ZSCAN2: variants seen among roughly 807,000 people sequenced by gnomAD.
ZSCAN2 encodes the protein zinc finger and SCAN domain-containing protein 2.
ZSCAN2 carries 26 observed loss-of-function variants against 47.8 expected under a neutral mutation model. The ratio of observed to expected loss-of-function variants is 0.54; its 90% CI spans 0.40 to 0.75. ZSCAN2 has a LOEUF of 0.75. Among genes scored for constraint, ZSCAN2 ranks in the 30% least tolerant of loss-of-function variants. The probability of loss-of-function intolerance (pLI) is 0.00; values close to 1 mark genes in which losing one functional copy is unlikely to be tolerated. For synonymous variants in ZSCAN2, 305 were observed against 288.7 expected (o/e 1.06, Z -0.57); for missense variants, 732 against 785.4 (o/e 0.93, Z 0.81).
At chr15:84,613,154 C>A (rs565313720) in intron 2 of ZSCAN2, among the ~76,000 whole-genome samples, 1 of 152,304 alleles carries the variant, frequency 6.6e-6, no homozygotes, top group South Asian at 2.1e-4. Flanking sequence ...GCTAAATTTT[C>A]ATAGTCATTA....
At chr15:84,619,767 C>T (rs1895773859) in intron 2 of ZSCAN2, among the ~76,000 whole-genome samples, 1 of 152,054 alleles carries the variant, frequency 6.6e-6, no homozygotes, top group Admixed American at 6.6e-5. Context: ...GGTAGGTACC[C>T]TGTTTATGTC....
rs910884450 is a variant in ZSCAN2 at position 84,604,116 on chromosome 15, C to T, written c.189C>T (p.Gly63=). The T allele has an allele frequency of 5.6e-6, 9 of 1,613,798 alleles. No homozygotes were observed. Among genetic ancestry groups the T allele is most frequent in the East Asian group, 2.2e-5 (1 of 44,890 alleles). The part of the protein sequence containing the change: ...SEPFPQSAGK[G]GPQEEVTRGP... Reference sequence around the variant, plus strand: ...CCTTTCCCCAGAGTGCTGGCAAGGGCGGCCCCCAGGAGGAGGTGACCAGGG... The same window carrying T: ...CCTTTCCCCAGAGTGCTGGCAAGGGTGGCCCCCAGGAGGAGGTGACCAGGG... The change falls in exon 2 of 3, where the codon GGC becomes GGT. Residue 63 remains glycine (G), a synonymous_variant. Transcript: ENST00000546148.
At position 84,622,855 on chromosome 15, in the gene ZSCAN2, T is replaced by C; in HGVS notation, c.*815T>C. The C allele has an allele frequency of 1.7e-6, 1 of 602,850 alleles. No homozygotes were observed. Among genetic ancestry groups the C allele is most frequent in the Non-Finnish European group, 3.0e-6 (1 of 331,816 alleles). The allele number at this position is 602,850 out of a possible 1,614,324, so 37.3% of individuals were successfully genotyped here. Reference sequence around the variant, plus strand: ...TCGTGGGGTTTTGTCCTGGAGAGTGTAGTGAAGTCCGAGAGCCCTAGCTGC... The same window carrying C: ...TCGTGGGGTTTTGTCCTGGAGAGTGCAGTGAAGTCCGAGAGCCCTAGCTGC... On this transcript the variant is annotated 3_prime_UTR_variant, in exon 3 of 3. Coordinates refer to ENST00000546148, the MANE Select transcript of ZSCAN2 (RefSeq NM_181877.4).
chr15:84,606,423 C>A, intron 2 of ZSCAN2: 1 of 875,438 alleles, frequency 1.1e-6, no homozygotes, highest in Admixed American at 1.9e-5. Context: ...GCATGGAGAT[C>A]TCAGTTTTGC....
At chr15:84,616,327 A>G in intron 2 of ZSCAN2, 3 of 1,546,816 alleles carry the variant, frequency 1.9e-6, no homozygotes, top group Non-Finnish European at 2.7e-6. Flanking sequence ...TCCTGCGTAC[A>G]TGGCTGCCCT....
At chr15:84,617,489 G>A (rs1030902091) in intron 2 of ZSCAN2, among the ~76,000 whole-genome samples, 8 of 152,084 alleles carry the variant, frequency 5.3e-5, no homozygotes, top group African/African-American at 7.2e-5. Context: ...TGGTTCTGCC[G>A]AGTCAGAGTA....
rs147571775 is a variant in ZSCAN2, at chr15:84,617,256, T to C, written c.407-3346T>C. Among the ~76,000 whole-genome samples the C allele has an allele frequency of 3.3e-5, 5 of 151,174 alleles. No homozygotes were observed. In the East Asian group the frequency reaches 8.0e-4, roughly 24 times the overall value. On this transcript the variant is annotated intron_variant, in intron 2 of 2. Transcript: ENST00000546148. ...TTTGAGACCAGCCTGGCCAACGTGG[T>C]GAAACCCTATCTCTACTAAAAATAC...
At position 84,620,706 on chromosome 15, in the gene ZSCAN2, C is replaced by T. The variant is rs1397237493; in HGVS notation, c.511C>T (p.His171Tyr). ...SEMPEGESAQ[H>Y]SDGESDFERD... ...AATGCCTGAAGGTGAAAGTGCTCAGCACTCCGATGGGGAAAGTGACTTTGA... is the reference window on the plus strand; with the variant it reads ...AATGCCTGAAGGTGAAAGTGCTCAGTACTCCGATGGGGAAAGTGACTTTGA... The change falls in exon 3 of 3, where the codon CAC (histidine) becomes TAC (tyrosine). Residue 171 changes from histidine (H) to tyrosine (Y), a missense_variant. By Grantham distance (83) the His-to-Tyr change is moderately conservative. Around this residue, in one of 2 missense-constraint regions of ZSCAN2, gnomAD observed 320 missense variants for 287.4 expected, o/e 1.11. Transcript: ENST00000546148. The T allele has an allele frequency of 1.9e-6, 3 of 1,614,226 alleles. No individual in the cohort carries two copies. Among genetic ancestry groups the T allele is most frequent in the Non-Finnish European group, 1.7e-6 (2 of 1,180,042 alleles).
chr15:84,606,336 A>G, intron 2 of ZSCAN2: 1 of 565,240 alleles, frequency 1.8e-6, no homozygotes, highest in Non-Finnish European at 3.2e-6. Context: ...TTTCACAGAT[A>G]GGAAATATAA....
intron 2 of ZSCAN2, among the ~76,000 whole-genome samples, chr15:84,610,704 C>A (rs1481373012): frequency 1.3e-5 from 2 of 152,034 alleles, no homozygotes; most frequent in South Asian, 2.1e-4. Context: ...TCAGGCTGGT[C>A]TCAATCTCCT....
chr15:84,622,403 C>T lies in ZSCAN2; in HGVS notation c.*363C>T. 5.1e-6 allele frequency: 3 copies of T among 585,826 alleles called. No homozygotes were observed. The highest frequency in any genetic ancestry group is 3.4e-5 in the Admixed American group (1 of 29,670). 36.3% of individuals were successfully genotyped at this position (585,826 alleles called of 1,614,324 possible). A position where few individuals can be genotyped will look rare whatever the true frequency, so the allele number is the denominator to read the frequency against. On this transcript the variant is annotated 3_prime_UTR_variant, in exon 3 of 3. Transcript: ENST00000546148. ...AGACAGCATGGCCCACAACGTGGGC[C>T]GAGTCCTCAGAGAAATACTGGAAAT... is the stretch of plus-strand genomic sequence containing the variant.
chr15:84,608,056 A>C (rs1895433741), intron 2 of ZSCAN2, among the ~76,000 whole-genome samples: 1 of 152,154 alleles, frequency 6.6e-6, no homozygotes, highest in Admixed American at 6.5e-5. Flanking sequence ...TTTTCTGTTT[A>C]TATGAATACT....
rs1409921789 is a variant in ZSCAN2 at position 84,622,058 on chromosome 15, G to A, written c.*18G>A. 3 of 1,575,082 alleles carry A rather than the reference G, an allele frequency of 1.9e-6. No homozygotes were observed. Among genetic ancestry groups the A allele is most frequent in the South Asian group, 1.2e-5 (1 of 83,620 alleles). ...TTTATTGAAGTGGCAAAGAGTGAAA[G>A]TGAGGGACTGGCCTGGAGTGGGAGT... On this transcript the variant is annotated 3_prime_UTR_variant, in exon 3 of 3. Transcript: ENST00000546148.
chr15:84,603,268 A>G (rs1050444231), intron 1 of ZSCAN2, among the ~76,000 whole-genome samples: 21 of 152,104 alleles, frequency 1.4e-4, no homozygotes, highest in Non-Finnish European at 2.5e-4. Context: ...GAGAGTCCTC[A>G]GTATTTCAGT....
At chr15:84,618,273 C>G (rs950172122) in intron 2 of ZSCAN2, among the ~76,000 whole-genome samples, 2 of 152,156 alleles carry the variant, frequency 1.3e-5, no homozygotes, top group Non-Finnish European at 2.9e-5. Flanking sequence ...CAAAAATTAG[C>G]TGGGCGTGGT....
rs553526309 is a variant in ZSCAN2 at position 84,623,051 on chromosome 15, G to T, written c.*1011G>T. 3 of 202,402 alleles carry T rather than the reference G, an allele frequency of 1.5e-5. No homozygotes were observed. In the South Asian group the frequency reaches 4.6e-4, roughly 31 times the overall value. 12.5% of individuals were successfully genotyped at this position (202,402 alleles called of 1,614,324 possible). The stretch of plus-strand genomic sequence containing the variant: ...TTTTTATTTGATATATGCCGAGCTA[G>T]AATCCTGTCGGGTAGCTTTTGTATA... On this transcript the variant is annotated 3_prime_UTR_variant, in exon 3 of 3. Transcript: ENST00000546148.
intron 1 of ZSCAN2, chr15:84,602,201 T>TCAACCTGC (rs1241348959): frequency 6.6e-6 from 1 of 152,080 alleles, no homozygotes; most frequent in East Asian, 1.9e-4. Context: ...TCCGCCCGCC[T>TCAACCTGC]CAACCTGCCA....
intron 2 of ZSCAN2, among the ~76,000 whole-genome samples, chr15:84,609,547 G>A (rs1895484856): frequency 6.6e-6 from 1 of 152,140 alleles, no homozygotes; most frequent in South Asian, 2.1e-4. Flanking sequence ...AATTCTTAGG[G>A]AGCGGTAACG....
chr15:84,611,341 A>G (rs1758361563), intron 2 of ZSCAN2, among the ~76,000 whole-genome samples: 1 of 152,054 alleles, frequency 6.6e-6, no homozygotes, highest in Non-Finnish European at 1.5e-5. Flanking sequence ...CTATAGTCCC[A>G]ACTACTTGGG....
Sources: gnomAD v4.1 joint callset for allele counts (sites outside exome capture counted in the v4.1 genomes callset) on GRCh38, gnomAD v4.1.1 for gene constraint, gnomAD v4.1.1 regional missense constraint, MANE v1.5 for transcripts, NCBI Gene and HGNC (gene_info 2026-07-23, HGNC 2026-07-21) for gene names.